The following MDGA2 variants were observed in gnomAD, a reference collection of about 807,000 sequenced individuals.
MDGA2 encodes MAM domain containing glycosylphosphatidylinositol anchor 2.
In MDGA2, 40 loss-of-function variants were observed where a neutral mutation model predicts 117.8. That is an observed-to-expected ratio of 0.34 (90% confidence interval 0.26 to 0.44). The LOEUF (loss-of-function observed/expected upper bound fraction) is 0.44. Among genes scored for constraint, MDGA2 ranks in the 20% least tolerant of loss-of-function variants. The pLI, the probability that MDGA2 is intolerant of heterozygous loss-of-function variation, is 1.00. For synonymous variants in MDGA2, 452 were observed against 439.0 expected (o/e 1.03, Z -0.37); for missense variants, 1,123 against 1,250.6 (o/e 0.90, Z 1.54).
In MDGA2 at chr14:46,874,127, C is replaced by T; in HGVS notation, c.2511G>A (p.Trp837Ter). ...TTCTTGTTGCTGTACTTTGCTTTGT[C>T]CAGTCAAAATTATCTGTATCATCTT... ...FTQDDTDNFD[W>*]TKQSTATRNT... The change falls in exon 13 of 17, where the codon TGG (tryptophan) becomes TGA (stop). Residue 837 changes from tryptophan (W) to a stop codon, truncating the protein, a stop_gained. Coordinates refer to ENST00000399232, the MANE Select transcript of MDGA2 (RefSeq NM_001113498.3). LOFTEE classifies it high-confidence loss of function. 6.5e-7 allele frequency: 1 copy of T among 1,545,510 alleles called. No homozygotes were observed. The highest frequency in any genetic ancestry group is 1.3e-5 in the South Asian group (1 of 78,576).
chr14:47,464,625 G>A (rs768413739), intron 1 of MDGA2, among the ~76,000 whole-genome samples: 1 of 151,766 alleles, frequency 6.6e-6, no homozygotes, highest in African/African-American at 2.4e-5. Context: ...AGCTAACCAG[G>A]GAGGTGAAAG....
At chr14:46,945,504 C>A (rs553011260) in intron 9 of MDGA2, among the ~76,000 whole-genome samples, 1 of 152,070 alleles carries the variant, frequency 6.6e-6, no homozygotes, top group Non-Finnish European at 1.5e-5. Context: ...GGTAAATCAC[C>A]TCATCCTTGT....
At chr14:47,400,582 A>C (rs1892113878) in intron 1 of MDGA2, among the ~76,000 whole-genome samples, 1 of 151,060 alleles carries the variant, frequency 6.6e-6, no homozygotes, top group South Asian at 2.1e-4. Flanking sequence ...TAGTGGTAGG[A>C]GGCTGAGGCA....
chr14:47,280,831 G>C (rs1205199726), intron 2 of MDGA2, among the ~76,000 whole-genome samples: 1 of 150,804 alleles, frequency 6.6e-6, no homozygotes, highest in East Asian at 1.9e-4. Context: ...TATTTTATTG[G>C]TCTTAAATTC....
intron 1 of MDGA2, among the ~76,000 whole-genome samples, chr14:47,424,247 C>T (rs547643572): frequency 2.2e-4 from 33 of 151,992 alleles, no homozygotes; most frequent in African/African-American, 6.8e-4. Flanking sequence ...ATGGAGAAAC[C>T]GTCGTCTCTA....
Position 47,208,806 on chromosome 14 carries a change from A to C in MDGA2, c.595+9215T>G, listed in dbSNP as rs185062329. Among the ~76,000 whole-genome samples, 98 of 152,118 alleles carry C rather than the reference A, an allele frequency of 6.4e-4. 1 individual carries two copies. The highest frequency in any genetic ancestry group is 1.0e-3 in the Non-Finnish European group (69 of 67,938). ...TTCTTTTAAATGACCAAATTTATAA[A>C]TAATTTTTAGATGAAAGAGAATCTT... On this transcript the variant is annotated intron_variant, in intron 3 of 16. Coordinates refer to ENST00000399232, the MANE Select transcript of MDGA2 (RefSeq NM_001113498.3).
At chr14:47,101,256 C>T (rs930822957) in intron 5 of MDGA2, among the ~76,000 whole-genome samples, 3 of 151,976 alleles carry the variant, frequency 2.0e-5, no homozygotes, top group Non-Finnish European at 2.9e-5. Flanking sequence ...TTCTATTTTC[C>T]AAAATCATGA....
chr14:47,529,421 C>A (rs750939398), intron 1 of MDGA2, among the ~76,000 whole-genome samples: 2 of 152,074 alleles, frequency 1.3e-5, no homozygotes, highest in Non-Finnish European at 2.9e-5. Context: ...GCATGCAATG[C>A]ATAATAATCA....
intron 5 of MDGA2, among the ~76,000 whole-genome samples, chr14:47,116,447 A>G (rs1395570215): frequency 6.6e-6 from 1 of 152,102 alleles, no homozygotes; most frequent in Admixed American, 6.5e-5. Context: ...AACCACAAAT[A>G]GCCAAATCAA....
chr14:47,455,607 T>C (rs1335575610), intron 1 of MDGA2, among the ~76,000 whole-genome samples: 1 of 152,180 alleles, frequency 6.6e-6, no homozygotes, highest in Non-Finnish European at 1.5e-5. Flanking sequence ...ACTTACCAAG[T>C]AATCTTGAAT....
chr14:46,919,869 C>T (rs1024724801), intron 10 of MDGA2, 143 bp downstream of exon 10: 2 of 650,290 alleles, frequency 3.1e-6, no homozygotes. Flanking sequence ...AGGGTGAAAA[C>T]ATATCTATCT....
At chr14:46,957,789 G>T in intron 8 of MDGA2, 146 bp from the exon 9 acceptor site, 1 of 891,052 alleles carries the variant, frequency 1.1e-6, no homozygotes, top group Non-Finnish European at 1.7e-6. Context: ...TTTAAGCCCA[G>T]AAATTTTAGC....
Position 47,409,734 on chromosome 14 carries a change from A to AT in MDGA2, c.281-108185dup, listed in dbSNP as rs556801940. ...TTAAAGTCACGTTCATATTATTTTG[A>AT]TTTTTTTTAAGAAAGAAAACCTCAT... On this transcript the variant is annotated intron_variant, in intron 1 of 16. Coordinates refer to ENST00000399232, the MANE Select transcript of MDGA2 (RefSeq NM_001113498.3). 1.0e-3 allele frequency among the ~76,000 whole-genome samples: 153 copies of AT among 152,130 alleles called. 1 individual carries two copies. Among genetic ancestry groups the AT allele is most frequent in the East Asian group, 4.6e-3 (24 of 5,174 alleles).
At chr14:47,578,557 T>C (rs754535971) in intron 1 of MDGA2, among the ~76,000 whole-genome samples, 2 of 152,128 alleles carry the variant, frequency 1.3e-5, no homozygotes, top group Non-Finnish European at 2.9e-5. Context: ...GCAATGACGA[T>C]AGTGAGACAT....
intron 1 of MDGA2, among the ~76,000 whole-genome samples, chr14:47,382,494 A>C (rs1246822029): frequency 9.2e-5 from 14 of 152,236 alleles, no homozygotes; most frequent in Non-Finnish European, 1.8e-4. Context: ...CAAATGACTT[A>C]AACAAATTCA....
At chr14:47,069,335 C>T (rs747057159) in intron 6 of MDGA2, among the ~76,000 whole-genome samples, 2 of 152,186 alleles carry the variant, frequency 1.3e-5, no homozygotes, top group African/African-American at 2.4e-5. Context: ...TTGAACATCT[C>T]TTTTATACTG....
intron 2 of MDGA2, among the ~76,000 whole-genome samples, chr14:47,219,556 A>C (rs778721454): frequency 2.6e-5 from 4 of 152,052 alleles, no homozygotes; most frequent in Non-Finnish European, 4.4e-5. Flanking sequence ...ATGGAAGCAT[A>C]CTAACACTTT....
At chr14:46,921,300 CTTTCT>C (rs1884119521) in intron 9 of MDGA2, among the ~76,000 whole-genome samples, 1 of 151,300 alleles carries the variant, frequency 6.6e-6, no homozygotes. Context: ...TTCTTTTTTT[CTTTCT>C]TTTAATTAGA....
chr14:47,650,842 T>G (rs183794120), intron 1 of MDGA2, among the ~76,000 whole-genome samples: 83 of 152,336 alleles, frequency 5.4e-4, no homozygotes, highest in African/African-American at 1.9e-3. Flanking sequence ...TTGAATTGCA[T>G]GATGGTAGGT....
Sources: allele counts gnomAD v4.1 joint callset (sites outside exome capture counted in the v4.1 genomes callset), GRCh38; gene constraint gnomAD v4.1.1; transcripts MANE v1.5; gene names NCBI Gene and HGNC (gene_info 2026-07-23, HGNC 2026-07-21).